Variants in FAM13A observed in about 807,000 individuals in gnomAD.
The protein encoded by FAM13A is protein FAM13A.
A neutral mutation model predicts 129.6 loss-of-function variants in FAM13A; 76 were observed. The observed-to-expected ratio is 0.59, with a 90% CI of 0.49 to 0.71. The LOEUF is 0.71. FAM13A is among the 30% of genes least tolerant of loss of function. The pLI, the probability that FAM13A is intolerant of heterozygous loss-of-function variation, is 0.00. For missense variants in FAM13A, 1,108 were observed against 1,249.3 expected (o/e 0.89, Z 1.70); for synonymous variants, 443 against 449.9 (o/e 0.98, Z 0.20).
chr4:88,949,615 G>T (rs1756602177), intron 4 of FAM13A, among the ~76,000 whole-genome samples: 1 of 152,128 alleles, frequency 6.6e-6, no homozygotes, highest in Admixed American at 6.6e-5. Context: ...TAAACAAAAA[G>T]CTGGAAGATT....
chr4:88,767,388 A>G (rs1745890284), intron 13 of FAM13A, among the ~76,000 whole-genome samples, 165 bp downstream of exon 13: 1 of 152,198 alleles, frequency 6.6e-6, no homozygotes. Context: ...TGGAGCTCTT[A>G]TGATTTCTCA....
At chr4:88,883,316 C>G (rs1173812950) in intron 6 of FAM13A, among the ~76,000 whole-genome samples, 1 of 151,940 alleles carries the variant, frequency 6.6e-6, no homozygotes, top group Non-Finnish European at 1.5e-5. Flanking sequence ...CAAGTATGCT[C>G]TCAAGCCACA....
At chr4:88,965,884 G>A (rs1759290316) in intron 4 of FAM13A, among the ~76,000 whole-genome samples, 1 of 152,062 alleles carries the variant, frequency 6.6e-6, no homozygotes, top group African/African-American at 2.4e-5. Context: ...TGTAGTATGT[G>A]ACAGGATTTC....
chr4:89,004,491 A>G (rs1370945988), intron 3 of FAM13A, among the ~76,000 whole-genome samples: 4 of 152,202 alleles, frequency 2.6e-5, no homozygotes, highest in Non-Finnish European at 5.9e-5. Flanking sequence ...CACAGTTTCA[A>G]TTAATTTGGG....
chr4:89,003,094 G>GA (rs1560747419), intron 3 of FAM13A, among the ~76,000 whole-genome samples: 3 of 151,798 alleles, frequency 2.0e-5, no homozygotes, highest in African/African-American at 7.3e-5. Context: ...ATAATGGGTA[G>GA]AAAAAAGACT....
intron 6 of FAM13A, among the ~76,000 whole-genome samples, chr4:88,871,742 A>T (rs1399788766): frequency 1.3e-5 from 2 of 152,134 alleles, no homozygotes; most frequent in African/African-American, 4.8e-5. Context: ...ATCCAGGAGA[A>T]TTCCCCAACT....
chr4:88,840,637 T>C lies in FAM13A; in HGVS notation c.1007+10383A>G, dbSNP rs531592913. Among the ~76,000 whole-genome samples, 9 of 151,606 alleles carry C rather than the reference T, an allele frequency of 5.9e-5. No individual in the cohort carries two copies. The South Asian group carries it at 1.9e-3, about 32-fold the overall frequency. Reference sequence around the variant, plus strand: ...GTATAAGGATGCAGATGTGAATATGTTGGCAGATTTGGGAGGTAGGAGGAT... The same window carrying C: ...GTATAAGGATGCAGATGTGAATATGCTGGCAGATTTGGGAGGTAGGAGGAT... On this transcript the variant is annotated intron_variant, in intron 7 of 23. Coordinates refer to ENST00000264344, the MANE Select transcript of FAM13A (RefSeq NM_014883.4).
intron 4 of FAM13A, among the ~76,000 whole-genome samples, chr4:88,974,919 T>C (rs1760697044): frequency 6.6e-6 from 1 of 152,162 alleles, no homozygotes; most frequent in African/African-American, 2.4e-5. Flanking sequence ...ACTGCAGCAC[T>C]TATCACAACT....
intron 1 of FAM13A, among the ~76,000 whole-genome samples, chr4:89,056,397 C>T (rs1458552653): frequency 6.6e-6 from 1 of 152,080 alleles, no homozygotes; most frequent in East Asian, 1.9e-4. Flanking sequence ...GTTATAACAA[C>T]CATTCATTTC....
rs1736559515 is a variant in FAM13A, at chr4:88,726,801, GT to G, written c.*1731del. 1 of 152,598 alleles carries G rather than the reference GT, an allele frequency of 6.6e-6. No individual in the cohort carries two copies. The highest frequency in any genetic ancestry group is 1.5e-5 in the Non-Finnish European group (1 of 68,036). The allele number at this position is 152,598 out of a possible 1,614,324, so 9.5% of individuals were successfully genotyped here. On this transcript the variant is annotated 3_prime_UTR_variant, in exon 24 of 24. Coordinates refer to ENST00000264344, the MANE Select transcript of FAM13A (RefSeq NM_014883.4). ...AAAGAATTCCAAACTATATTTTTAT[GT>G]ACATTTAAACCTGTAGGATTATGTA...
At chr4:88,795,611 G>A (rs76531710) in intron 8 of FAM13A, among the ~76,000 whole-genome samples, 2,627 of 151,820 alleles carry the variant, frequency 0.017, 29 homozygotes, top group Non-Finnish European at 0.026. Flanking sequence ...AAGTATCTAA[G>A]TTTACACAGC....
At chr4:88,792,402 C>A (rs1343625355) in intron 8 of FAM13A, among the ~76,000 whole-genome samples, 2 of 152,024 alleles carry the variant, frequency 1.3e-5, no homozygotes, top group African/African-American at 4.8e-5. Flanking sequence ...GGAGGCCTGG[C>A]CTTAGGTATT....
At chr4:88,864,108 A>G (rs1739980515) in intron 6 of FAM13A, among the ~76,000 whole-genome samples, 3 of 152,240 alleles carry the variant, frequency 2.0e-5, no homozygotes, top group Admixed American at 2.0e-4. Flanking sequence ...ATTAGAATCT[A>G]GATATGTGAC....
intron 20 of FAM13A, among the ~76,000 whole-genome samples, chr4:88,738,146 T>C (rs1215055970): frequency 2.0e-5 from 3 of 152,080 alleles, no homozygotes; most frequent in Non-Finnish European, 2.9e-5. Context: ...TTAAAAGAAA[T>C]AGACAATATT....
Position 88,991,149 on chromosome 4 carries a change from A to G in FAM13A, c.429T>C (p.Asp143=), listed in dbSNP as rs1339876189. 6 of 1,607,296 alleles carry G rather than the reference A, an allele frequency of 3.7e-6. No individual in the cohort carries two copies. The highest frequency in any genetic ancestry group is 5.1e-6 in the Non-Finnish European group (6 of 1,176,940). ...LQPRFIQLFQ[D]GRNDVQESSL... ...TACTCTCCTGAACATCATTTCTGCC[A>G]TCTGGAAAAAAAAAGAATAAAAATG... is the stretch of plus-strand genomic sequence containing the variant. The change falls in exon 4 of 24, where the codon GAT becomes GAC. Residue 143 remains aspartate (D), a splice_region_variant and synonymous_variant. Coordinates refer to ENST00000264344, the MANE Select transcript of FAM13A (RefSeq NM_014883.4).
intron 3 of FAM13A, among the ~76,000 whole-genome samples, chr4:89,006,532 A>G (rs1474732861): frequency 6.6e-6 from 1 of 152,182 alleles, no homozygotes; most frequent in Non-Finnish European, 1.5e-5. Flanking sequence ...CTGGGGCCAG[A>G]GCGAGCACTT....
At chr4:88,863,967 C>A (rs992962907) in intron 6 of FAM13A, among the ~76,000 whole-genome samples, 1 of 152,030 alleles carries the variant, frequency 6.6e-6, no homozygotes, top group South Asian at 2.1e-4. Context: ...AACTGTAAAT[C>A]TGAAGAAGAT....
intron 8 of FAM13A, among the ~76,000 whole-genome samples, chr4:88,796,323 T>C (rs1726171711): frequency 6.6e-6 from 1 of 152,026 alleles, no homozygotes; most frequent in Non-Finnish European, 1.5e-5. Flanking sequence ...TTAATTACAC[T>C]GTGGTCAGAA....
At chr4:88,731,097 G>A (rs185548204) in intron 23 of FAM13A, among the ~76,000 whole-genome samples, 1 of 152,304 alleles carries the variant, frequency 6.6e-6, no homozygotes, top group Admixed American at 6.5e-5. Context: ...ATCTGCATTA[G>A]TCTTGGGCAT....
Sources: gnomAD v4.1 joint callset for allele counts (sites outside exome capture counted in the v4.1 genomes callset) on GRCh38, gnomAD v4.1.1 for gene constraint, MANE v1.5 for transcripts, NCBI Gene and HGNC (gene_info 2026-07-23, HGNC 2026-07-21) for gene names.